SUGT1: variants seen among roughly 807,000 people sequenced by gnomAD.
The protein encoded by SUGT1 is SGT1 assembly cochaperone of MIS12 kinetochore complex.
Under a neutral mutation model 56.1 loss-of-function variants are expected in SUGT1, and 15 were observed. The observed-to-expected ratio is 0.27, with a 90% confidence interval of 0.18 to 0.41. SUGT1 has a LOEUF of 0.41. Among genes scored for constraint, SUGT1 ranks in the 10% least tolerant of loss-of-function variants. The probability of loss-of-function intolerance (pLI) is 1.00; values close to 1 mark genes in which losing one functional copy is unlikely to be tolerated. For synonymous variants in SUGT1, 123 were observed against 128.6 expected (o/e 0.96, Z 0.30); for missense variants, 347 against 382.2 (o/e 0.91, Z 0.77).
intron 10 of SUGT1, among the ~76,000 whole-genome samples, chr13:52,673,418 AC>A (rs1004296706): frequency 5.3e-5 from 8 of 151,968 alleles, no homozygotes; most frequent in Non-Finnish European, 1.0e-4. Context: ...GGCCCCTTTT[AC>A]CTTTTTAAAA....
rs932641389 is a variant in SUGT1 at position 52,652,838 on chromosome 13, C to A, written c.-83C>A. On this transcript the variant is annotated 5_prime_UTR_variant, in exon 1 of 13. Coordinates refer to ENST00000310528, the MANE Select transcript of SUGT1 (RefSeq NM_006704.5). ...GGACGGAAGCTCGGTTGGTGTTTCT[C>A]CAGAAGTTTCCCCCTTGGGCGGTGG... The A allele has an allele frequency of 1.1e-5, 17 of 1,557,060 alleles. No individual in the cohort carries two copies. Among genetic ancestry groups the A allele is most frequent in the South Asian group, 9.4e-5 (8 of 85,324 alleles).
At chr13:52,677,085 C>T (rs997609737) in intron 11 of SUGT1, among the ~76,000 whole-genome samples, 2 of 152,146 alleles carry the variant, frequency 1.3e-5, no homozygotes, top group South Asian at 2.1e-4. Context: ...TAACATGTGT[C>T]TCAGCTTTTT....
Position 52,691,132 on chromosome 13 carries a change from A to T in SUGT1, c.*3297A>T, listed in dbSNP as rs939196949. Reference sequence around the variant, plus strand: ...CAAGTAGCTGGGACCACAGGCATGCATCACCACGACTGGCTAATTTTTGTA... The same window carrying T: ...CAAGTAGCTGGGACCACAGGCATGCTTCACCACGACTGGCTAATTTTTGTA... On this transcript the variant is annotated 3_prime_UTR_variant, in exon 13 of 13. Transcript: ENST00000310528. 13 of 152,078 alleles carry T rather than the reference A, an allele frequency of 8.5e-5. No homozygotes were observed. Among genetic ancestry groups the T allele is most frequent in the African/African-American group, 3.1e-4 (13 of 41,374 alleles). The allele number at this position is 152,078 out of a possible 1,614,324, so 9.4% of individuals were successfully genotyped here. A position where few individuals can be genotyped will look rare whatever the true frequency, so the allele number is the denominator to read the frequency against.
In SUGT1 at chr13:52,700,217, C is replaced by G. The variant is rs181138171; in HGVS notation, c.*12382C>G. 7 of 152,082 alleles carry G rather than the reference C, an allele frequency of 4.6e-5. No individual in the cohort carries two copies. Among genetic ancestry groups the G allele is most frequent in the Admixed American group, 4.6e-4 (7 of 15,272 alleles). 9.4% of individuals were successfully genotyped at this position (152,082 alleles called of 1,614,324 possible). A position where few individuals can be genotyped will look rare whatever the true frequency, so the allele number is the denominator to read the frequency against. On this transcript the variant is annotated 3_prime_UTR_variant, in exon 13 of 13. Coordinates refer to ENST00000310528, the MANE Select transcript of SUGT1 (RefSeq NM_006704.5). ...TTTATTCCTCTGTGATAACATACAC[C>G]CAAATAAAGACTGCTATGTATTTGA...
At chr13:52,682,446 C>T (rs375238371) in intron 12 of SUGT1, among the ~76,000 whole-genome samples, 12 of 152,182 alleles carry the variant, frequency 7.9e-5, no homozygotes, top group African/African-American at 1.4e-4. Context: ...AGCAGTCCTT[C>T]GGCCTTGGCT....
chr13:52,683,989 T>C (rs1251404850), intron 12 of SUGT1, among the ~76,000 whole-genome samples: 1 of 152,184 alleles, frequency 6.6e-6, no homozygotes, highest in African/African-American at 2.4e-5. Flanking sequence ...CAAGTGATCC[T>C]CTCATCTCAG....
chr13:52,663,599 G>A (rs546724381), intron 7 of SUGT1, among the ~76,000 whole-genome samples: 2 of 152,124 alleles, frequency 1.3e-5, no homozygotes, highest in Non-Finnish European at 2.9e-5. Flanking sequence ...CTTCCAAGTA[G>A]CTGGGACTAC....
chr13:52,657,164 T>A (rs990966142), intron 2 of SUGT1, among the ~76,000 whole-genome samples: 1 of 152,202 alleles, frequency 6.6e-6, no homozygotes, highest in African/African-American at 2.4e-5. Context: ...GAATCTCAAA[T>A]TCTATATGGT....
chr13:52,665,701 A>C lies in SUGT1; in HGVS notation c.487A>C (p.Asn163His), dbSNP rs1962671310. The change falls in exon 9 of 13, where the codon AAT becomes CAT. Residue 163 changes from asparagine (N) to histidine (H), a missense_variant. Coordinates refer to ENST00000310528, the MANE Select transcript of SUGT1 (RefSeq NM_006704.5). ...ITLMIKNVQK[N>H]DVNVEFSEKE... ...ACTTATGATCAAGAATGTTCAGAAG[A>C]ATGATGTAAATGTGGAATTTTCAGA... The C allele has an allele frequency of 6.2e-7, 1 of 1,606,982 alleles. No homozygotes were observed.
chr13:52,686,479 AAT>A (rs1335720325), intron 12 of SUGT1, among the ~76,000 whole-genome samples: 2 of 152,194 alleles, frequency 1.3e-5, no homozygotes, highest in Non-Finnish European at 2.9e-5. Flanking sequence ...ACAGAAGACA[AAT>A]TTACAGGAAT....
chr13:52,684,467 C>T (rs1329200597), intron 12 of SUGT1, among the ~76,000 whole-genome samples: 1 of 149,702 alleles, frequency 6.7e-6, no homozygotes, highest in African/African-American at 2.5e-5. Flanking sequence ...CTTCCTTCTG[C>T]TTGCTTTAAG....
rs1464488214 is a variant in SUGT1 at position 52,690,472 on chromosome 13, GTTTCC to G, written c.*2643_*2647del. ...AATGTATGTATTTTTCCTCTTAAAT[GTTTCC>G]TTTCCCTTTTAAGGTTAGTCCTGGA... On this transcript the variant is annotated 3_prime_UTR_variant, in exon 13 of 13. Coordinates refer to ENST00000310528, the MANE Select transcript of SUGT1 (RefSeq NM_006704.5). 1 of 152,052 alleles carries G rather than the reference GTTTCC, an allele frequency of 6.6e-6. No homozygotes were observed. The highest frequency in any genetic ancestry group is 2.4e-5 in the African/African-American group (1 of 41,390). 9.4% of individuals were successfully genotyped at this position (152,052 alleles called of 1,614,324 possible). A position where few individuals can be genotyped will look rare whatever the true frequency, so the allele number is the denominator to read the frequency against.
Position 52,657,637 on chromosome 13 carries a change from A to G in SUGT1, c.187+15A>G, listed in dbSNP as rs752662588. On this transcript the variant is annotated intron_variant, in intron 3 of 12. Transcript: ENST00000310528. ...GAATTACTGTGGTAACGTTTCTTAT[A>G]AAGTATATTGCCCCCTTTTAATAAG... 5 of 1,600,706 alleles carry G rather than the reference A, an allele frequency of 3.1e-6. No homozygotes were observed. The highest frequency in any genetic ancestry group is 1.7e-5 in the Admixed American group (1 of 59,478).
In SUGT1 at chr13:52,652,836, C is replaced by G. The variant is rs921878565; in HGVS notation, c.-85C>G. ...TAGGACGGAAGCTCGGTTGGTGTTT[C>G]TCCAGAAGTTTCCCCCTTGGGCGGT... On this transcript the variant is annotated 5_prime_UTR_variant, in exon 1 of 13. Coordinates refer to ENST00000310528, the MANE Select transcript of SUGT1 (RefSeq NM_006704.5). The G allele has an allele frequency of 6.4e-7, 1 of 1,554,748 alleles. No individual in the cohort carries two copies. The highest frequency in any genetic ancestry group is 8.7e-7 in the Non-Finnish European group (1 of 1,147,542).
intron 2 of SUGT1, among the ~76,000 whole-genome samples, chr13:52,654,834 T>C (rs1040676014): frequency 5.3e-5 from 8 of 152,268 alleles, no homozygotes; most frequent in African/African-American, 1.9e-4. Flanking sequence ...TACGGCGCAA[T>C]TTATTCTAAC....
chr13:52,694,533 A>C lies in SUGT1; in HGVS notation c.*6698A>C, dbSNP rs1963868149. 1 of 152,228 alleles carries C rather than the reference A, an allele frequency of 6.6e-6. No individual in the cohort carries two copies. Among genetic ancestry groups the C allele is most frequent in the Non-Finnish European group, 1.5e-5 (1 of 68,024 alleles). 9.4% of individuals were successfully genotyped at this position (152,228 alleles called of 1,614,324 possible). On this transcript the variant is annotated 3_prime_UTR_variant, in exon 13 of 13. Transcript: ENST00000310528. ...ATGTAGAATGTTAAGGAACTTTCGG[A>C]AGTTCTCTGGTTTTCATTTCAATTT...
Position 52,680,457 on chromosome 13 carries a change from C to T in SUGT1, c.900+302C>T, listed in dbSNP as rs980047429. On this transcript the variant is annotated intron_variant, in intron 12 of 12. Coordinates refer to ENST00000310528, the MANE Select transcript of SUGT1 (RefSeq NM_006704.5). Reference sequence around the variant, plus strand: ...TGAGTGAACTTCTGTTGTTTCCCTTCTAGACTCATATGTAGCCTCAGTGTT... The same window carrying T: ...TGAGTGAACTTCTGTTGTTTCCCTTTTAGACTCATATGTAGCCTCAGTGTT... 3.9e-5 allele frequency among the ~76,000 whole-genome samples: 6 copies of T among 152,244 alleles called. No homozygotes were observed. In the East Asian group the frequency reaches 1.2e-3, roughly 29 times the overall value.
In SUGT1 at chr13:52,691,430, C is replaced by T. The variant is rs916437133; in HGVS notation, c.*3595C>T. On this transcript the variant is annotated 3_prime_UTR_variant, in exon 13 of 13. Coordinates refer to ENST00000310528, the MANE Select transcript of SUGT1 (RefSeq NM_006704.5). ...CTTTCTCTATTCCTTCCTCAGTTAT[C>T]TACATATCAGATTAGATTATTGATA... The T allele has an allele frequency of 6.6e-6, 1 of 152,184 alleles. No homozygotes were observed. The highest frequency in any genetic ancestry group is 1.5e-5 in the Non-Finnish European group (1 of 68,028). The allele number at this position is 152,184 out of a possible 1,614,324, so 9.4% of individuals were successfully genotyped here. A position where few individuals can be genotyped will look rare whatever the true frequency, so the allele number is the denominator to read the frequency against.
chr13:52,653,757 A>C (rs1962030829), intron 2 of SUGT1, among the ~76,000 whole-genome samples: 2 of 152,210 alleles, frequency 1.3e-5, no homozygotes, highest in Non-Finnish European at 2.9e-5. Context: ...AAATAATAAG[A>C]ATTAAAGGAG....
Sources: gnomAD v4.1 joint callset for allele counts (sites outside exome capture counted in the v4.1 genomes callset) on GRCh38, gnomAD v4.1.1 for gene constraint, MANE v1.5 for transcripts, NCBI Gene and HGNC (gene_info 2026-07-23, HGNC 2026-07-21) for gene names.